The following OPHN1 variants were observed in gnomAD, a reference collection of about 807,000 sequenced individuals.
The protein encoded by OPHN1 is oligophrenin-1.
A neutral mutation model predicts 60.7 loss-of-function variants in OPHN1; 11 were observed. That is an observed-to-expected ratio of 0.18 (90% CI 0.11 to 0.30). The LOEUF is 0.30. OPHN1 is among the 10% of genes least tolerant of loss of function. OPHN1 has a pLI of 1.00. For missense variants in OPHN1, 449 were observed against 611.0 expected (o/e 0.73, Z 2.80); for synonymous variants, 226 against 222.6 (o/e 1.02, Z -0.14).
intron 2 of OPHN1, among the ~76,000 whole-genome samples, chrX:68,324,501 C>G (rs1429463380): frequency 1.9e-5 from 2 of 106,090 alleles, no homozygotes; most frequent in African/African-American, 6.9e-5. Context: ...CCCAGCTACT[C>G]CAGAGGCTGA....
intron 13 of OPHN1, 149 bp downstream of exon 13, chrX:68,194,316 T>TA: frequency 1.8e-6 from 1 of 548,160 alleles, no homozygotes; most frequent in Non-Finnish European, 3.2e-6. Context: ...CAGACACATT[T>TA]AAAAAATATA....
chrX:68,154,986 A>G (rs16990513), intron 15 of OPHN1, among the ~76,000 whole-genome samples: 24,060 of 106,278 alleles, frequency 0.23, 3,174 homozygotes, highest in African/African-American at 0.45. Context: ...GAGTAGAGCC[A>G]GGTGACAAAA....
At chrX:68,153,463 T>A (rs1182123380) in intron 15 of OPHN1, among the ~76,000 whole-genome samples, 1 of 111,260 alleles carries the variant, frequency 9.0e-6, no homozygotes, top group Non-Finnish European at 1.9e-5. Context: ...CCAGATACCC[T>A]CTCAAGCACT....
intron 2 of OPHN1, among the ~76,000 whole-genome samples, chrX:68,352,170 G>A (rs975142468): frequency 3.7e-4 from 41 of 109,766 alleles, no homozygotes; most frequent in African/African-American, 1.4e-3. Context: ...GCCACGCCCA[G>A]CCAGAAATGT....
At chrX:68,421,982 G>A (rs1465379648) in intron 2 of OPHN1, among the ~76,000 whole-genome samples, 1 of 110,917 alleles carries the variant, frequency 9.0e-6, no homozygotes, top group Non-Finnish European at 1.9e-5. Flanking sequence ...AGGCTCTTGG[G>A]GCAGAAAACA....
chrX:68,335,006 T>A (rs2078315043), intron 2 of OPHN1, among the ~76,000 whole-genome samples: 1 of 109,636 alleles, frequency 9.1e-6, no homozygotes, highest in Non-Finnish European at 1.9e-5. Flanking sequence ...AATTAATAGT[T>A]CCTGTCCCAG....
intron 2 of OPHN1, among the ~76,000 whole-genome samples, chrX:68,412,873 A>G (rs911485180): frequency 2.7e-5 from 3 of 111,553 alleles, no homozygotes; most frequent in Non-Finnish European, 5.6e-5. Context: ...TTATCATGTG[A>G]AAGTTTTTAT....
intron 18 of OPHN1, among the ~76,000 whole-genome samples, chrX:68,109,878 G>A (rs934672473): frequency 3.6e-5 from 4 of 110,024 alleles, no homozygotes; most frequent in African/African-American, 9.9e-5. Context: ...TTATTTACTC[G>A]ACTAGTCCCC....
intron 5 of OPHN1, among the ~76,000 whole-genome samples, chrX:68,263,988 G>A (rs191963462): frequency 9.9e-5 from 11 of 111,467 alleles, no homozygotes; most frequent in South Asian, 7.6e-4. Context: ...AGTACTCAGC[G>A]GACAAATATT....
chrX:68,118,084 G>A (rs1002104328), intron 16 of OPHN1, among the ~76,000 whole-genome samples: 1 of 111,809 alleles, frequency 8.9e-6, no homozygotes, highest in Non-Finnish European at 1.9e-5. Flanking sequence ...ATCCAAAGAA[G>A]GCCAAAGCTC....
intron 2 of OPHN1, among the ~76,000 whole-genome samples, chrX:68,353,390 G>A (rs928074507): frequency 2.2e-5 from 2 of 89,057 alleles, no homozygotes; most frequent in Non-Finnish European, 4.3e-5. Flanking sequence ...CCAACATGGT[G>A]AAACCCCGTC....
intron 3 of OPHN1, among the ~76,000 whole-genome samples, chrX:68,296,647 TAAA>T (rs751623342): frequency 0.014 from 954 of 68,396 alleles, 20 homozygotes; most frequent in African/African-American, 0.049. Context: ...GACTCCATCT[TAAA>T]AAAAAAAAAA....
At chrX:68,169,184 C>T (rs1569231667) in intron 15 of OPHN1, among the ~76,000 whole-genome samples, 2 of 111,246 alleles carry the variant, frequency 1.8e-5, no homozygotes, top group African/African-American at 6.6e-5. Context: ...TTCACAATTG[C>T]TTCAAAGAGA....
At chrX:68,388,330 T>TG (rs1464545096) in intron 2 of OPHN1, among the ~76,000 whole-genome samples, 1 of 106,872 alleles carries the variant, frequency 9.4e-6, no homozygotes, top group Non-Finnish European at 1.9e-5. Context: ...TGTGGTGGCA[T>TG]GCACCTGTAA....
At chrX:68,427,968 T>TA (rs1209611194) in intron 2 of OPHN1, among the ~76,000 whole-genome samples, 2 of 111,160 alleles carry the variant, frequency 1.8e-5, no homozygotes, top group African/African-American at 6.5e-5. Context: ...CTGTCTCTAC[T>TA]AAAAATACAA....
At chrX:68,284,422 C>T (rs1038546966) in intron 3 of OPHN1, among the ~76,000 whole-genome samples, 2 of 110,499 alleles carry the variant, frequency 1.8e-5, no homozygotes, top group African/African-American at 6.6e-5. Flanking sequence ...TGGAAGCTTC[C>T]TGAGGTGCTC....
chrX:68,192,404 T>A (rs1228982205), intron 15 of OPHN1, among the ~76,000 whole-genome samples: 2 of 108,299 alleles, frequency 1.8e-5, no homozygotes, highest in Non-Finnish European at 3.8e-5. Flanking sequence ...GAGGCTCAGG[T>A]TGAGGATGCA....
intron 2 of OPHN1, among the ~76,000 whole-genome samples, chrX:68,359,684 G>A (rs1179262925): frequency 9.2e-6 from 1 of 108,285 alleles, no homozygotes; most frequent in Non-Finnish European, 1.9e-5. Flanking sequence ...GTGAAACCCC[G>A]TCTCTACTAA....
chrX:68,285,619 CTCT>C (rs1461294921), intron 3 of OPHN1, among the ~76,000 whole-genome samples: 1 of 111,069 alleles, frequency 9.0e-6, no homozygotes, highest in African/African-American at 3.3e-5. Context: ...CTGTCTCACT[CTCT>C]TCTTCTGAGG....
Sources: gnomAD v4.1 joint callset for allele counts (sites outside exome capture counted in the v4.1 genomes callset) on GRCh38, gnomAD v4.1.1 for gene constraint, MANE v1.5 for transcripts, NCBI Gene and HGNC (gene_info 2026-07-23, HGNC 2026-07-21) for gene names.